EML2: variants seen among roughly 807,000 people sequenced by gnomAD.
EML2 encodes EMAP like 2, also known as echinoderm microtubule-associated protein-like 2.
A neutral mutation model predicts 84.7 loss-of-function variants in EML2; 59 were observed. The ratio of observed to expected loss-of-function variants is 0.70; its 90% CI spans 0.56 to 0.86. The LOEUF (loss-of-function observed/expected upper bound fraction) is 0.86. Ranked by LOEUF, EML2 falls within the 40% of genes least tolerant of loss-of-function variation. EML2 has a pLI of 0.00. For synonymous variants in EML2, 352 were observed against 348.9 expected, an observed-to-expected ratio of 1.01 and a Z score of -0.10; for missense variants, 818 against 855.6, an observed-to-expected ratio of 0.96 and a Z score of 0.55.
chr19:45,637,944 T>A (rs1184619921), intron 3 of EML2, among the ~76,000 whole-genome samples: 1 of 152,154 alleles, frequency 6.6e-6, no homozygotes, highest in Non-Finnish European at 1.5e-5. Flanking sequence ...CCCAAAGTGC[T>A]CAGATTACAG....
upstream of EML2, chr19:45,639,918 C>G (rs956258190): frequency 1.3e-5 from 2 of 152,134 alleles, no homozygotes; most frequent in Admixed American, 6.6e-5. Context: ...CATTCGAACT[C>G]GGGAGGCAGA....
At position 45,621,566 on chromosome 19, in the gene EML2, C is replaced by G; in HGVS notation, c.913G>C (p.Asp305His). Residue 305 changes from aspartate to histidine, a missense_variant, in exon 10 of 19, where the codon GAC becomes CAC. Transcript: ENST00000245925. The part of the protein sequence containing the change: ...GGVFGLCALR[D>H]GTLVSGGGRD... ...CCCCCTCCAGACACCAGCGTCCCGT[C>G]CCGCAGGGCGCAGAGCCCAAACACG... 1 of 1,612,710 alleles carries G rather than the reference C, an allele frequency of 6.2e-7. No homozygotes were observed. The highest frequency in any genetic ancestry group is 8.5e-7 in the Non-Finnish European group (1 of 1,179,958).
intron 18 of EML2, 30 bp downstream of exon 18, chr19:45,613,511 C>G: frequency 1.9e-6 from 3 of 1,609,972 alleles, no homozygotes; most frequent in Non-Finnish European, 2.5e-6. Flanking sequence ...TTGCTACCCC[C>G]GTCCATCCCC....
upstream of EML2, chr19:45,641,803 C>G (rs1463478709): frequency 2.0e-6 from 3 of 1,525,014 alleles, no homozygotes; most frequent in Admixed American, 6.0e-5. Context: ...AGGCGAGTGC[C>G]GTGAGCAAGC....
chr19:45,624,832 G>C lies in EML2; in HGVS notation c.742-14C>G. ...TTTCTCATGTTTCTAAGGTGGGGGA[G>C]GAAAGGAAGGTGTCAGAGCGTCACT... On this transcript the variant is annotated splice_polypyrimidine_tract_variant and intron_variant, in intron 8 of 18. Coordinates refer to ENST00000245925, the MANE Select transcript of EML2 (RefSeq NM_012155.4). 6.3e-7 allele frequency: 1 copy of C among 1,593,500 alleles called. No individual in the cohort carries two copies. The highest frequency in any genetic ancestry group is 8.6e-7 in the Non-Finnish European group (1 of 1,166,284).
chr19:45,617,634 C>A lies in EML2; in HGVS notation c.1318G>T (p.Gly440Cys). The A allele has an allele frequency of 6.2e-7, 1 of 1,613,720 alleles. No individual in the cohort carries two copies. The highest frequency in any genetic ancestry group is 8.5e-7 in the Non-Finnish European group (1 of 1,179,800). Residue 440 changes from glycine to cysteine, a missense_variant, in exon 13 of 19, where the codon GGC becomes TGC. Coordinates refer to ENST00000245925, the MANE Select transcript of EML2 (RefSeq NM_012155.4). ...AAATGCTCTCCTCAGCTTTACCTGC[C>A]AGTCACTGTACCCACAGCCAGGACA... ...GSVLAVGTVTGRWLLLDTETH... is the reference protein window; with the variant it reads ...GSVLAVGTVTCRWLLLDTETH...
At chr19:45,620,471 G>A (rs542105230) in intron 11 of EML2, among the ~76,000 whole-genome samples, 1 of 152,154 alleles carries the variant, frequency 6.6e-6, no homozygotes, top group South Asian at 2.1e-4. Context: ...CATTTTGGGA[G>A]GCTGAGGTGG....
chr19:45,615,975 T>G, intron 15 of EML2, 86 bp from the exon 16 acceptor site: 1 of 999,072 alleles, frequency 1.0e-6, no homozygotes, highest in Non-Finnish European at 1.6e-6. Context: ...AAAGTGGAAG[T>G]CAAATACAGA....
intron 10 of EML2, 24 bp downstream of exon 10, chr19:45,621,459 T>C: frequency 6.2e-7 from 1 of 1,603,432 alleles, no homozygotes. Flanking sequence ...TCTACCCCCA[T>C]CTGAGCCCAC....
At chr19:45,616,650 C>T (rs1488913676) in intron 14 of EML2, 92 bp from the exon 15 acceptor site, 6 of 1,376,620 alleles carry the variant, frequency 4.4e-6, no homozygotes, top group African/African-American at 1.4e-5. Context: ...CCAGCTCCAT[C>T]CCCACTGCAT....
chr19:45,638,605 C>T lies in EML2; in HGVS notation c.79G>A (p.Gly27Ser). 6.2e-7 allele frequency: 1 copy of T among 1,614,020 alleles called. No homozygotes were observed. The highest frequency in any genetic ancestry group is 1.7e-5 in the Admixed American group (1 of 60,002). ...GGGATCATCATGGGCACAGGGCGGC[C>T]CCTCAGGAACATTTTCACGGAGCCA... ...EDGSVKMFLR[G>S]RPVPMMIPDE... Residue 27 changes from glycine to serine, a missense_variant, in exon 3 of 19, where the codon GGC becomes AGC. Physicochemically the swap from Gly to Ser is moderately conservative, Grantham distance 56. Transcript: ENST00000245925.
At chr19:45,642,553 C>T, upstream of EML2, 3 of 1,382,734 alleles carry the variant, frequency 2.2e-6, no homozygotes, top group South Asian at 1.8e-5. Context: ...CCAACCCATC[C>T]GCACACTCCT....
chr19:45,643,822 C>T, upstream of EML2: 1 of 1,397,314 alleles, frequency 7.2e-7, no homozygotes, highest in South Asian at 1.5e-5. Context: ...AGGTCCGGTG[C>T]CTGGACCTGC....
rs1279592408 is a variant in EML2, at chr19:45,619,143, G to T, written c.1171C>A (p.Gln391Lys). 6.2e-7 allele frequency: 1 copy of T among 1,612,132 alleles called. No homozygotes were observed. Among genetic ancestry groups the T allele is most frequent in the Admixed American group, 1.7e-5 (1 of 59,896 alleles). Residue 391 changes from glutamine (Q) to lysine (K), a missense_variant, in exon 12 of 19, where the codon CAG becomes AAG. Coordinates refer to ENST00000245925, the MANE Select transcript of EML2 (RefSeq NM_012155.4). The stretch of plus-strand genomic sequence containing the variant: ...TTATCCTGCCCGCAGGTCACAAACT[G>T]GGCCCGACTGGGGTGTGTGGCCAGG... Reference protein sequence around the residue: ...WGLATHPSRAQFVTCGQDKLV... With the variant: ...WGLATHPSRAKFVTCGQDKLV...
At chr19:45,616,062 T>C (rs1295489885) in intron 15 of EML2, 173 bp from the exon 16 acceptor site, 5 of 622,660 alleles carry the variant, frequency 8.0e-6, no homozygotes, top group Non-Finnish European at 1.5e-5. Context: ...CAGAATACTG[T>C]GGGCGGGGCC....
At chr19:45,609,848 G>T in intron 18 of EML2, 60 bp from the exon 19 acceptor site, 1 of 1,574,830 alleles carries the variant, frequency 6.3e-7, no homozygotes, top group Non-Finnish European at 8.6e-7. Flanking sequence ...ACCCCATCAT[G>T]GTCCTCTTGT....
rs756176504 is a variant in EML2, at chr19:45,629,981, C to G, written c.576G>C (p.Trp192Cys). ...CATCCACCACCTTGGTCTCCTTGGC[C>G]CAGTCCCACACCGAGAGCATGTGAT... The part of the protein sequence containing the change: ...SNDHMLSVWD[W>C]AKETKVVDVK... Residue 192 changes from tryptophan (W) to cysteine (C), a missense_variant, in exon 7 of 19, where the codon TGG becomes TGC. By Grantham distance (215) the Trp-to-Cys change is radical. Coordinates refer to ENST00000245925, the MANE Select transcript of EML2 (RefSeq NM_012155.4). 2 of 1,613,512 alleles carry G rather than the reference C, an allele frequency of 1.2e-6. No individual in the cohort carries two copies. Among genetic ancestry groups the G allele is most frequent in the Non-Finnish European group, 8.5e-7 (1 of 1,179,662 alleles).
At chr19:45,629,810 G>A (rs760030127) in intron 7 of EML2, 141 bp downstream of exon 7, 22 of 660,728 alleles carry the variant, frequency 3.3e-5, no homozygotes, top group South Asian at 9.9e-5. Context: ...GGTGGCAAGC[G>A]GCTTGCTCAA....
chr19:45,641,523 G>C, upstream of EML2: 1 of 1,017,104 alleles, frequency 9.8e-7, no homozygotes, highest in Non-Finnish European at 1.4e-6. Flanking sequence ...CACCGTCCCC[G>C]CTTTTGAACT....
Sources: allele counts gnomAD v4.1 joint callset (sites outside exome capture counted in the v4.1 genomes callset), GRCh38; gene constraint gnomAD v4.1.1; transcripts MANE v1.5; gene names NCBI Gene and HGNC (gene_info 2026-07-23, HGNC 2026-07-21).